The following CALN1 variants were observed in gnomAD, a reference collection of about 807,000 sequenced individuals.
The protein encoded by CALN1 is calcium-binding protein 8.
CALN1 carries 17 observed loss-of-function variants against 30.6 expected under a neutral mutation model. The ratio of observed to expected loss-of-function variants is 0.56; its 90% confidence interval spans 0.38 to 0.83. The LOEUF (loss-of-function observed/expected upper bound fraction) is 0.83, where lower values mean the gene tolerates loss of function less well. Ranked by LOEUF, CALN1 falls within the 40% of genes least tolerant of loss-of-function variation. The pLI, the probability that CALN1 is intolerant of heterozygous loss-of-function variation, is 0.00. For synonymous variants in CALN1, 156 were observed against 131.4 expected, an observed-to-expected ratio of 1.19 and a Z score of -1.28; for missense variants, 291 against 354.9, an observed-to-expected ratio of 0.82 and a Z score of 1.45.
chr7:72,225,265 G>A (rs113629453), intron 3 of CALN1, among the ~76,000 whole-genome samples: 1,838 of 152,142 alleles, frequency 0.012, 32 homozygotes, highest in African/African-American at 0.042. Context: ...CTGAGCACCA[G>A]GTTCCTGTCT....
In CALN1 at chr7:72,129,138, A is replaced by T. The variant is rs148662076; in HGVS notation, c.245-22844T>A. Among the ~76,000 whole-genome samples, 677 of 152,334 alleles carry T rather than the reference A, an allele frequency of 4.4e-3. 3 individuals are homozygous for T. The highest frequency in any genetic ancestry group is 0.016 in the African/African-American group (657 of 41,574). ...TATAACACCAAGTTCAGCCCAACTC[A>T]TAATCAGAGAAATGCAAATTAAAAG... On this transcript the variant is annotated intron_variant, in intron 3 of 6. Coordinates refer to ENST00000395275, the MANE Select transcript of CALN1 (RefSeq NM_031468.4).
At chr7:72,400,229 G>A (rs555131742) in intron 2 of CALN1, among the ~76,000 whole-genome samples, 376 of 152,224 alleles carry the variant, frequency 2.5e-3, no homozygotes, top group Non-Finnish European at 4.2e-3. Flanking sequence ...CAGCAGCTAC[G>A]TTCATGCATC....
chr7:72,401,147 CT>C (rs1806310169), intron 2 of CALN1, among the ~76,000 whole-genome samples: 1 of 152,190 alleles, frequency 6.6e-6, no homozygotes. Flanking sequence ...TTCTCTTCTA[CT>C]CCTTTCTCTC....
chr7:72,174,578 A>T (rs1160797530), intron 3 of CALN1, among the ~76,000 whole-genome samples: 1 of 152,218 alleles, frequency 6.6e-6, no homozygotes, highest in East Asian at 1.9e-4. Context: ...AACAATAAAA[A>T]ACAAACTACA....
At chr7:72,050,101 G>A (rs1802743868) in intron 4 of CALN1, among the ~76,000 whole-genome samples, 1 of 152,058 alleles carries the variant, frequency 6.6e-6, no homozygotes, top group Non-Finnish European at 1.5e-5. Context: ...TTTCAGGCGT[G>A]AGGCCCCTCG....
At chr7:72,141,689 C>G (rs1390265764) in intron 3 of CALN1, among the ~76,000 whole-genome samples, 1 of 152,042 alleles carries the variant, frequency 6.6e-6, no homozygotes, top group Non-Finnish European at 1.5e-5. Context: ...CTGCTTCAGC[C>G]TCCTGAGGAG....
chr7:72,194,240 T>TAA (rs1034408949), intron 3 of CALN1, among the ~76,000 whole-genome samples: 1 of 152,214 alleles, frequency 6.6e-6, no homozygotes, highest in African/African-American at 2.4e-5. Flanking sequence ...TAACCAAGGC[T>TAA]AAAACTCAGT....
At chr7:72,145,397 T>A (rs553550074) in intron 3 of CALN1, among the ~76,000 whole-genome samples, 2 of 152,170 alleles carry the variant, frequency 1.3e-5, no homozygotes, top group Non-Finnish European at 2.9e-5. Context: ...CCTTGACACA[T>A]ACACTCTCCC....
At chr7:72,124,611 C>T (rs900007301) in intron 3 of CALN1, among the ~76,000 whole-genome samples, 1 of 151,944 alleles carries the variant, frequency 6.6e-6, no homozygotes, top group African/African-American at 2.4e-5. Flanking sequence ...ATGACCCTAC[C>T]ACTGCACTCT....
chr7:72,397,066 G>A (rs532672630), intron 2 of CALN1, among the ~76,000 whole-genome samples: 4 of 152,004 alleles, frequency 2.6e-5, no homozygotes, highest in Non-Finnish European at 2.9e-5. Context: ...ATCCACCACC[G>A]TGCCTGGTTA....
At chr7:72,063,473 A>C (rs1803805072) in intron 4 of CALN1, among the ~76,000 whole-genome samples, 1 of 152,188 alleles carries the variant, frequency 6.6e-6, no homozygotes, top group Non-Finnish European at 1.5e-5. Flanking sequence ...CTGTATCCAC[A>C]GGGAGAAGCC....
At chr7:72,014,294 C>T (rs1252030636) in intron 5 of CALN1, among the ~76,000 whole-genome samples, 3 of 152,002 alleles carry the variant, frequency 2.0e-5, no homozygotes, top group Non-Finnish European at 2.9e-5. Flanking sequence ...ACCATGTTGG[C>T]CAGGCTGGTC....
At chr7:71,861,473 T>A (rs940795122) in intron 5 of CALN1, among the ~76,000 whole-genome samples, 1 of 152,018 alleles carries the variant, frequency 6.6e-6, no homozygotes, top group Admixed American at 6.6e-5. Flanking sequence ...TTATCAAATC[T>A]GTGTTCAAGA....
At chr7:71,816,750 A>G (rs1267804366) in intron 5 of CALN1, among the ~76,000 whole-genome samples, 1 of 152,104 alleles carries the variant, frequency 6.6e-6, no homozygotes, top group African/African-American at 2.4e-5. Context: ...GAGTTCGATC[A>G]CGAGGTCAGG....
upstream of CALN1, among the ~76,000 whole-genome samples, chr7:72,448,477 G>A (rs1413075630): frequency 6.6e-6 from 1 of 152,070 alleles, no homozygotes; most frequent in East Asian, 1.9e-4. Flanking sequence ...GCAGCTGCTG[G>A]TCCCTTTGTG....
intron 3 of CALN1, among the ~76,000 whole-genome samples, chr7:72,246,800 A>T (rs2129551729): frequency 8.0e-6 from 1 of 125,688 alleles, no homozygotes; most frequent in South Asian, 2.7e-4. Context: ...TCTTGCCCAG[A>T]CTGGGGTGCT....
intron 5 of CALN1, among the ~76,000 whole-genome samples, chr7:71,907,239 A>ACAC (rs1794184958): frequency 6.8e-6 from 1 of 147,744 alleles, no homozygotes; most frequent in Admixed American, 6.8e-5. Context: ...ATGAGGTTTA[A>ACAC]ACACACACAC....
chr7:71,898,008 GGAGGGGGGGGGAGA>G (rs1386733281), intron 5 of CALN1, among the ~76,000 whole-genome samples: 307 of 77,314 alleles, frequency 4.0e-3, no homozygotes, highest in African/African-American at 0.018. Flanking sequence ...AGAGAGGGAG[GGAGGGGGGGGGAGA>G]GAGAGAGAGA....
chr7:71,828,947 C>T lies in CALN1; in HGVS notation c.502-18455G>A, dbSNP rs182299987. 4.9e-3 allele frequency among the ~76,000 whole-genome samples: 746 copies of T among 151,962 alleles called. 7 individuals carry two copies. The highest frequency in any genetic ancestry group is 0.016 in the African/African-American group (677 of 41,462). On this transcript the variant is annotated intron_variant, in intron 5 of 6. Transcript: ENST00000395275. ...TATTTTTAGTAGAGACGGGGTTTCC[C>T]TGTGTTGGCCAGGCTGGTCTCGAAC...
Sources: gnomAD v4.1 joint callset for allele counts (sites outside exome capture counted in the v4.1 genomes callset) on GRCh38, gnomAD v4.1.1 for gene constraint, MANE v1.5 for transcripts, NCBI Gene and HGNC (gene_info 2026-07-23, HGNC 2026-07-21) for gene names.